Variants in SYNE3 observed in about 807,000 individuals in gnomAD.
SYNE3 encodes nesprin-3.
In SYNE3, 100 loss-of-function variants were observed where a neutral mutation model predicts 111.2. The observed-to-expected ratio is 0.90, with a 90% confidence interval of 0.77 to 1.06. The LOEUF (loss-of-function observed/expected upper bound fraction) is 1.06. SYNE3 is among the 50% of genes least tolerant of loss of function. SYNE3 has a pLI of 0.00. For synonymous variants in SYNE3, 547 were observed against 533.9 expected, an observed-to-expected ratio of 1.02 and a Z score of -0.34; for missense variants, 1,160 against 1,240.3, an observed-to-expected ratio of 0.94 and a Z score of 0.97.
intron 1 of SYNE3, among the ~76,000 whole-genome samples, chr14:95,484,395 G>T (rs1417785071): frequency 1.3e-5 from 2 of 152,150 alleles, no homozygotes; most frequent in Admixed American, 6.5e-5. Context: ...GAAGGGGAGG[G>T]CTCCCAGGAG....
chr14:95,486,831 A>T (rs1241905667), intron 1 of SYNE3, among the ~76,000 whole-genome samples: 1 of 152,164 alleles, frequency 6.6e-6, no homozygotes, highest in African/African-American at 2.4e-5. Flanking sequence ...ACTTCACATA[A>T]AACTCATGGT....
intron 4 of SYNE3, among the ~76,000 whole-genome samples, chr14:95,458,472 G>C (rs1887598419): frequency 6.6e-6 from 1 of 152,244 alleles, no homozygotes; most frequent in African/African-American, 2.4e-5. Flanking sequence ...CAGCTGGTAA[G>C]TGCTTAACAA....
At chr14:95,472,430 A>G (rs1888583616) in intron 2 of SYNE3, among the ~76,000 whole-genome samples, 1 of 152,190 alleles carries the variant, frequency 6.6e-6, no homozygotes, top group African/African-American at 2.4e-5. Flanking sequence ...GGAAGCTCCT[A>G]AGACCCACTG....
chr14:95,477,233 T>C (rs995035093), intron 1 of SYNE3, among the ~76,000 whole-genome samples: 3 of 152,204 alleles, frequency 2.0e-5, no homozygotes, highest in African/African-American at 4.8e-5. Context: ...AAAGGGTCTA[T>C]GTGATCAAGT....
rs1345728908 is a variant in SYNE3 at position 95,485,117 on chromosome 14, G to A, written c.-14-9282C>T. 1.3e-5 allele frequency among the ~76,000 whole-genome samples: 2 copies of A among 152,170 alleles called. No individual in the cohort carries two copies. The highest frequency in any genetic ancestry group is 2.4e-5 in the African/African-American group (1 of 41,442). ...GATGAGAACAGATGATTCTAACCATGGGCGTGAGTGTGTATTTGGCAAATT... is the reference window on the plus strand; with the variant it reads ...GATGAGAACAGATGATTCTAACCATAGGCGTGAGTGTGTATTTGGCAAATT... On this transcript the variant is annotated intron_variant, in intron 1 of 17. Transcript: ENST00000682763. The surrounding 1 kb of genome is among the most constrained non-coding windows in gnomAD (Gnocchi z 4.3).
chr14:95,440,775 C>T (rs902484346), intron 11 of SYNE3, among the ~76,000 whole-genome samples: 2 of 152,244 alleles, frequency 1.3e-5, no homozygotes, highest in Middle Eastern at 3.4e-3. Context: ...CCTTGAGGGT[C>T]GGGAATGGTG....
At chr14:95,487,880 C>T (rs1889625861) in intron 1 of SYNE3, among the ~76,000 whole-genome samples, 1 of 151,662 alleles carries the variant, frequency 6.6e-6, no homozygotes, top group Admixed American at 6.6e-5. Context: ...GTCTTCTGCC[C>T]CTGCCACCCT....
intron 17 of SYNE3, among the ~76,000 whole-genome samples, chr14:95,418,596 TTTTCTTTC>T: frequency 6.6e-6 from 1 of 152,164 alleles, no homozygotes; most frequent in South Asian, 2.1e-4. Flanking sequence ...CCCCTCTTCC[TTTTCTTTC>T]TTTCTTTTTT....
intron 1 of SYNE3, among the ~76,000 whole-genome samples, chr14:95,512,701 A>G (rs1890765314): frequency 1.3e-5 from 2 of 150,414 alleles, no homozygotes; most frequent in Non-Finnish European, 1.5e-5. Context: ...AAAAAAAAAT[A>G]CAAAAAATTA....
rs74080790 is a variant in SYNE3 at position 95,475,623 on chromosome 14, C to T, written c.144+55G>A. On this transcript the variant is annotated intron_variant, in intron 2 of 17. Transcript: ENST00000682763. ...AGATAGGAAACCTGAGGTCTGAGGG[C>T]GGGGTGGGATGGGGCCAAGACCACA... The T allele has an allele frequency of 3.3e-3, 3,569 of 1,071,974 alleles. 87 individuals carry two copies. In the African/African-American group the frequency reaches 0.052, roughly 16 times the overall value. The allele number at this position is 1,071,974 out of a possible 1,614,324, so 66.4% of individuals were successfully genotyped here. A position where few individuals can be genotyped will look rare whatever the true frequency, so the allele number is the denominator to read the frequency against.
chr14:95,408,195 CG>C lies in SYNE3; in HGVS notation c.*9630del, dbSNP rs1201580525. ...CCCATGGGACGGATGACAAATGAAA[CG>C]AAAAAATCCATCTGGGTGGGGGGCT... is the stretch of plus-strand genomic sequence containing the variant. On this transcript the variant is annotated 3_prime_UTR_variant, in exon 18 of 18. Coordinates refer to ENST00000682763, the MANE Select transcript of SYNE3 (RefSeq NM_152592.6). 1.3e-5 allele frequency: 2 copies of C among 151,824 alleles called. No individual in the cohort carries two copies. Among genetic ancestry groups the C allele is most frequent in the African/African-American group, 4.8e-5 (2 of 41,344 alleles). 9.4% of individuals were successfully genotyped at this position (151,824 alleles called of 1,614,324 possible).
chr14:95,432,085 G>A lies in SYNE3; in HGVS notation c.2721C>T (p.Phe907=). 1 of 1,612,384 alleles carries A rather than the reference G, an allele frequency of 6.2e-7. No homozygotes were observed. The highest frequency in any genetic ancestry group is 8.5e-7 in the Non-Finnish European group (1 of 1,179,256). ...TQSSPGEPTG[F]QKTRRWRGLG... is the part of the protein sequence containing the mutation. ...CAGATGGCAGACACTGTACCTTTTG[G>A]AATCCAGTCGGCTCCCCTGGAGAAC... Residue 907 remains phenylalanine, a synonymous_variant, in exon 17 of 18, where the codon TTC becomes TTT. Coordinates refer to ENST00000682763, the MANE Select transcript of SYNE3 (RefSeq NM_152592.6).
At chr14:95,458,310 C>G (rs550208214) in intron 4 of SYNE3, among the ~76,000 whole-genome samples, 13 of 152,198 alleles carry the variant, frequency 8.5e-5, no homozygotes, top group Non-Finnish European at 1.5e-4. Context: ...ATCCCACTGC[C>G]TGTGGCTTGA....
At chr14:95,489,274 T>A (rs961968604) in intron 1 of SYNE3, among the ~76,000 whole-genome samples, 1 of 152,196 alleles carries the variant, frequency 6.6e-6, no homozygotes, top group Admixed American at 6.5e-5. Context: ...GGGGCCTCTC[T>A]CCCATCTCCT....
intron 11 of SYNE3, 55 bp from the exon 12 acceptor site, chr14:95,440,130 C>T (rs1450362895): frequency 6.5e-7 from 1 of 1,526,738 alleles, no homozygotes; most frequent in African/African-American, 1.4e-5. Context: ...GAGGGGGAGA[C>T]CCCCGCACCA....
At chr14:95,492,165 T>C (rs146183828) in intron 1 of SYNE3, among the ~76,000 whole-genome samples, 4 of 152,338 alleles carry the variant, frequency 2.6e-5, no homozygotes, top group Non-Finnish European at 5.9e-5. Flanking sequence ...AACCCTTATA[T>C]GCTGCTGGTA....
Position 95,481,598 on chromosome 14 carries a change from G to A in SYNE3, c.-14-5763C>T, listed in dbSNP as rs185939360. 1.7e-4 allele frequency among the ~76,000 whole-genome samples: 26 copies of A among 152,276 alleles called. No individual in the cohort carries two copies. In the East Asian group the frequency reaches 3.5e-3, roughly 20 times the overall value. ...GAGGCTGTCAGAGAAACCCCCAGCC[G>A]ACTACTTACCTCTGGTCCTGCCAGA... is the stretch of plus-strand genomic sequence containing the variant. On this transcript the variant is annotated intron_variant, in intron 1 of 17. Coordinates refer to ENST00000682763, the MANE Select transcript of SYNE3 (RefSeq NM_152592.6).
intron 4 of SYNE3, among the ~76,000 whole-genome samples, chr14:95,461,682 A>G (rs1395645669): frequency 6.6e-6 from 1 of 152,262 alleles, no homozygotes; most frequent in East Asian, 1.9e-4. Flanking sequence ...AAGTAGGGGC[A>G]CTAACCTGAA....
intron 4 of SYNE3, among the ~76,000 whole-genome samples, chr14:95,458,071 G>A (rs2139446908): frequency 6.6e-6 from 1 of 152,330 alleles, no homozygotes; most frequent in African/African-American, 2.4e-5. Context: ...ATGATGTCCT[G>A]AGGGTGGCTG....
Sources: gnomAD v4.1 joint callset for allele counts (sites outside exome capture counted in the v4.1 genomes callset) on GRCh38, gnomAD v4.1.1 for gene constraint, Gnocchi (gnomAD v3.1) non-coding constraint, MANE v1.5 for transcripts, NCBI Gene and HGNC (gene_info 2026-07-23, HGNC 2026-07-21) for gene names.